The following MYO6 variants were observed in gnomAD, a reference collection of about 807,000 sequenced individuals.
MYO6 encodes the protein myosin VI, also known as unconventional myosin-VI.
In MYO6, 74 loss-of-function variants were observed where a neutral mutation model predicts 178.7. The ratio of observed to expected loss-of-function variants is 0.41; its 90% CI spans 0.34 to 0.50. The LOEUF is 0.50. Among genes scored for constraint, MYO6 ranks in the 20% least tolerant of loss-of-function variants. The probability of loss-of-function intolerance (pLI) is 0.09; values close to 1 mark genes in which losing one functional copy is unlikely to be tolerated. For synonymous variants in MYO6, 477 were observed against 504.6 expected (o/e 0.95, Z 0.73); for missense variants, 1,330 against 1,547.4 (o/e 0.86, Z 2.36).
rs116699355 is a variant in MYO6 at position 75,809,774 on chromosome 6, G to A, written c.-47-7727G>A. ...AGAAATGCTCGAGGTAAGATAAGGG[G>A]GATGTCAGCCCGGCGTGCTGGCTGA... On this transcript the variant is annotated intron_variant, in intron 1 of 34. Transcript: ENST00000369977. Among the ~76,000 whole-genome samples, 1,198 of 151,798 alleles carry A rather than the reference G, an allele frequency of 7.9e-3. 14 individuals carry two copies. The highest frequency in any genetic ancestry group is 0.027 in the African/African-American group (1,137 of 41,372).
chr6:75,871,477 T>C (rs1777140720), intron 19 of MYO6, among the ~76,000 whole-genome samples: 1 of 152,208 alleles, frequency 6.6e-6, no homozygotes, highest in Admixed American at 6.5e-5. Flanking sequence ...CTTGAACCCC[T>C]GGGCTCAAGT....
At chr6:75,750,296 C>T (rs1437327295) in intron 1 of MYO6, among the ~76,000 whole-genome samples, 1 of 151,966 alleles carries the variant, frequency 6.6e-6, no homozygotes, top group East Asian at 1.9e-4. Context: ...GGGGTTTCAC[C>T]ATCTTGGCCA....
intron 17 of MYO6, 130 bp from the exon 18 acceptor site, chr6:75,866,801 AG>A: frequency 9.2e-7 from 1 of 1,090,440 alleles, no homozygotes; most frequent in South Asian, 1.3e-5. Context: ...CACACTGACT[AG>A]TGGTGACGGC....
At chr6:75,817,355 A>G in intron 1 of MYO6, 146 bp from the exon 2 acceptor site, 1 of 596,610 alleles carries the variant, frequency 1.7e-6, no homozygotes, top group Non-Finnish European at 3.0e-6. Flanking sequence ...AGCAAGAGGC[A>G]AGGGAGGAGG....
At chr6:75,902,460 G>GT (rs1779881517) in intron 30 of MYO6, among the ~76,000 whole-genome samples, 1 of 152,188 alleles carries the variant, frequency 6.6e-6, no homozygotes, top group African/African-American at 2.4e-5. Context: ...TTGGGAGAGT[G>GT]TATGTGTTGA....
Position 75,862,676 on chromosome 6 carries a change from T to C in MYO6, c.1627T>C (p.Phe543Leu), listed in dbSNP as rs781420580. 9 of 1,614,038 alleles carry C rather than the reference T, an allele frequency of 5.6e-6. No homozygotes were observed. The East Asian group carries it at 1.8e-4, about 32-fold the overall frequency. Residue 543 changes from phenylalanine (F) to leucine (L), a missense_variant, in exon 16 of 35, where the codon TTT becomes CTT. Phe to Leu is a conservative substitution (Grantham distance 22). Transcript: ENST00000369977. Reference sequence around the variant, plus strand: ...CCTTCCCCAGCCAAGTGATCAACACTTTACATCTGCAGTTCACCAAAAGCA... The same window carrying C: ...CCTTCCCCAGCCAAGTGATCAACACCTTACATCTGCAGTTCACCAAAAGCA... ...NRLPQPSDQH[F>L]TSAVHQKHKD...
intron 4 of MYO6, 49 bp downstream of exon 4, chr6:75,828,662 T>C (rs376300488): frequency 1.3e-4 from 152 of 1,131,456 alleles, no homozygotes; most frequent in Middle Eastern, 3.9e-4. Flanking sequence ...AATTATTTCA[T>C]GTGGTACTCT....
chr6:75,764,173 G>A (rs972499173), intron 1 of MYO6, among the ~76,000 whole-genome samples: 1 of 152,128 alleles, frequency 6.6e-6, no homozygotes, highest in Non-Finnish European at 1.5e-5. Context: ...GCTTCCCAAA[G>A]TGCTGGGATT....
At position 75,889,428 on chromosome 6, in the gene MYO6, A is replaced by C. The variant is rs148543121; in HGVS notation, c.2659-629A>C. Among the ~76,000 whole-genome samples the C allele has an allele frequency of 2.6e-4, 39 of 152,254 alleles. No homozygotes were observed. In the East Asian group the frequency reaches 7.1e-3, roughly 28 times the overall value. On this transcript the variant is annotated intron_variant, in intron 25 of 34. Transcript: ENST00000369977. The stretch of plus-strand genomic sequence containing the variant: ...TACTTAAGAAATAATTCTTTTTGAG[A>C]TAAGAGGCTTGCTCTGTTGCCCAGT...
At chr6:75,822,116 A>C (rs1310753936) in intron 2 of MYO6, among the ~76,000 whole-genome samples, 8 of 139,520 alleles carry the variant, frequency 5.7e-5, no homozygotes, top group Non-Finnish European at 1.5e-5. Flanking sequence ...TTTTTTTTTG[A>C]GATGGAATTT....
intron 28 of MYO6, 90 bp from the exon 29 acceptor site, chr6:75,895,141 G>A: frequency 5.2e-6 from 5 of 963,534 alleles, no homozygotes; most frequent in Non-Finnish European, 8.1e-6. Context: ...AAATCAATGA[G>A]TAAAGTAATT....
intron 12 of MYO6, among the ~76,000 whole-genome samples, 169 bp downstream of exon 12, chr6:75,855,452 T>G (rs1204685453): frequency 6.6e-6 from 1 of 152,204 alleles, no homozygotes; most frequent in Non-Finnish European, 1.5e-5. Flanking sequence ...CTCTTAAAGT[T>G]GTTCCTTGCT....
chr6:75,821,963 T>G, intron 2 of MYO6, among the ~76,000 whole-genome samples: 1 of 152,350 alleles, frequency 6.6e-6, no homozygotes, highest in South Asian at 2.1e-4. Flanking sequence ...TGGTATTTTT[T>G]ATATTTCTGA....
intron 5 of MYO6, among the ~76,000 whole-genome samples, chr6:75,830,981 G>C (rs1353403423): frequency 6.6e-6 from 1 of 152,170 alleles, no homozygotes; most frequent in Non-Finnish European, 1.5e-5. Context: ...TCAGCTGTAA[G>C]AGCAGACTTC....
Position 75,911,669 on chromosome 6 carries a change from C to T in MYO6, c.3413-3C>T. Reference sequence around the variant, plus strand: ...TTCTTCAACATAAAATATTTGTTCACAGATTTTGCACCATTTTTGAACAAT... The same window carrying T: ...TTCTTCAACATAAAATATTTGTTCATAGATTTTGCACCATTTTTGAACAAT... On this transcript the variant is annotated splice_polypyrimidine_tract_variant and splice_region_variant and intron_variant, in intron 32 of 34. Transcript: ENST00000369977. 1 of 1,610,836 alleles carries T rather than the reference C, an allele frequency of 6.2e-7. No individual in the cohort carries two copies. The highest frequency in any genetic ancestry group is 1.1e-5 in the South Asian group (1 of 90,968).
intron 1 of MYO6, among the ~76,000 whole-genome samples, chr6:75,767,826 A>G (rs1778572551): frequency 1.3e-5 from 2 of 152,056 alleles, no homozygotes; most frequent in African/African-American, 2.4e-5. Flanking sequence ...CACAAATTCT[A>G]TTCTTAAGCA....
chr6:75,767,069 A>C (rs1377421269), intron 1 of MYO6, among the ~76,000 whole-genome samples: 1 of 150,632 alleles, frequency 6.6e-6, no homozygotes, highest in African/African-American at 2.4e-5. Context: ...TCTGTCGCCC[A>C]GGCTGGAGTG....
intron 19 of MYO6, 88 bp downstream of exon 19, chr6:75,870,773 C>T: frequency 9.6e-7 from 1 of 1,045,898 alleles, no homozygotes; most frequent in Non-Finnish European, 1.4e-6. Context: ...TAACCCTGTA[C>T]TAATTAAAAA....
At chr6:75,775,980 C>G (rs1766349183) in intron 1 of MYO6, among the ~76,000 whole-genome samples, 1 of 152,188 alleles carries the variant, frequency 6.6e-6, no homozygotes, top group African/African-American at 2.4e-5. Flanking sequence ...TCCTACTCAT[C>G]TTTTAATACT....
Sources: gnomAD v4.1 joint callset for allele counts (sites outside exome capture counted in the v4.1 genomes callset) on GRCh38, gnomAD v4.1.1 for gene constraint, MANE v1.5 for transcripts, NCBI Gene and HGNC (gene_info 2026-07-23, HGNC 2026-07-21) for gene names.